The following AGT variants were observed in gnomAD, a reference collection of about 807,000 sequenced individuals.
AGT encodes the protein alpha-1 antiproteinase, antitrypsin.
In AGT, 26 loss-of-function variants were observed where a neutral mutation model predicts 28.1. That is an observed-to-expected ratio of 0.92 (90% CI 0.68 to 1.28). AGT has a LOEUF of 1.28. Among genes scored for constraint, AGT ranks in the 50% most tolerant of loss-of-function variants. The pLI, the probability that AGT is intolerant of heterozygous loss-of-function variation, is 0.00. For synonymous variants in AGT, 259 were observed against 259.6 expected, an observed-to-expected ratio of 1.00 and a Z score of 0.02; for missense variants, 596 against 592.3, an observed-to-expected ratio of 1.01 and a Z score of -0.06.
At position 230,710,297 on chromosome 1, in the gene AGT, T is replaced by C; in HGVS notation, c.527A>G (p.Gln176Arg). Residue 176 changes from glutamine to arginine, a missense_variant, in exon 2 of 5, where the codon CAG becomes CGG. Physicochemically the swap from Gln to Arg is conservative, Grantham distance 43. Transcript: ENST00000366667. ...GGCCACTAGCAGGCCCTGTACAGCC[T>C]GCAGGGCAGACAGGACCTTGTGCGC... ...LDAHKVLSAL[Q>R]AVQGLLVAQG... 2 of 1,613,972 alleles carry C rather than the reference T, an allele frequency of 1.2e-6. No homozygotes were observed. Among genetic ancestry groups the C allele is most frequent in the Non-Finnish European group, 1.7e-6 (2 of 1,180,016 alleles).
chr1:230,711,736 G>C (rs892273573), intron 1 of AGT, among the ~76,000 whole-genome samples: 1 of 151,490 alleles, frequency 6.6e-6, no homozygotes, highest in Non-Finnish European at 1.5e-5. Flanking sequence ...GCTATCCCCT[G>C]CAGAGCCCCA....
At chr1:230,710,958 C>T in intron 1 of AGT, 105 bp from the exon 2 acceptor site, 1 of 1,410,462 alleles carries the variant, frequency 7.1e-7, no homozygotes, top group Non-Finnish European at 9.8e-7. Context: ...ACCATTTAGC[C>T]CAGAATAAAT....
At chr1:230,745,169 T>C (rs1467911466) in intron 1 of AGT, among the ~76,000 whole-genome samples, 1 of 152,176 alleles carries the variant, frequency 6.6e-6, no homozygotes, top group African/African-American at 2.4e-5. Context: ...AGAGATGCCT[T>C]GCAAGTTGAG....
In AGT at chr1:230,702,874, C is replaced by T; in HGVS notation, c.*267G>A. The T allele has an allele frequency of 3.9e-6, 2 of 507,190 alleles. No individual in the cohort carries two copies. The highest frequency in any genetic ancestry group is 6.5e-5 in the Admixed American group (2 of 30,980). 31.4% of individuals were successfully genotyped at this position (507,190 alleles called of 1,614,324 possible). On this transcript the variant is annotated 3_prime_UTR_variant, in exon 5 of 5. Coordinates refer to ENST00000366667, the MANE Select transcript of AGT (RefSeq NM_001384479.1). Reference sequence around the variant, plus strand: ...TCCCGCGCTAAACACTGGTTCTTGCCTCCCCACCCCCATTCTCTAAAATAA... The same window carrying T: ...TCCCGCGCTAAACACTGGTTCTTGCTTCCCCACCCCCATTCTCTAAAATAA...
At chr1:230,709,896 G>T in intron 2 of AGT, 99 bp downstream of exon 2, 1 of 1,563,218 alleles carries the variant, frequency 6.4e-7, no homozygotes, top group Non-Finnish European at 8.8e-7. Context: ...ATGTCCGCAG[G>T]GCTGCCCCCT....
At chr1:230,729,389 T>C (rs938191018) in intron 1 of AGT, among the ~76,000 whole-genome samples, 2 of 152,240 alleles carry the variant, frequency 1.3e-5, no homozygotes, top group African/African-American at 4.8e-5. Flanking sequence ...CCTCCCTCTC[T>C]TATTCTCAGA....
At chr1:230,726,730 T>G (rs192431900) in intron 1 of AGT, among the ~76,000 whole-genome samples, 1 of 152,310 alleles carries the variant, frequency 6.6e-6, no homozygotes, top group Non-Finnish European at 1.5e-5. Context: ...GAGAAGAGTC[T>G]TAATTCAAAC....
rs529772491 is a variant in AGT at position 230,714,107 on chromosome 1, C to G, written c.-52G>C. 1 of 152,394 alleles carries G rather than the reference C, an allele frequency of 6.6e-6. No homozygotes were observed. Among genetic ancestry groups the G allele is most frequent in the South Asian group, 2.1e-4 (1 of 4,814 alleles). The allele number at this position is 152,394 out of a possible 1,614,324, so 9.4% of individuals were successfully genotyped here. On this transcript the variant is annotated 5_prime_UTR_variant, in exon 1 of 5. Coordinates refer to ENST00000366667, the MANE Select transcript of AGT (RefSeq NM_001384479.1). Reference sequence around the variant, plus strand: ...TTACCTTCTGCTGTAGTACCCAGAACAACGGCAGCTTCTTCCCCCGGCCGG... The same window carrying G: ...TTACCTTCTGCTGTAGTACCCAGAAGAACGGCAGCTTCTTCCCCCGGCCGG...
chr1:230,719,476 C>G (rs1178110229), upstream of AGT, among the ~76,000 whole-genome samples: 1 of 147,318 alleles, frequency 6.8e-6, no homozygotes, highest in African/African-American at 2.5e-5. Flanking sequence ...GGCGGGATCT[C>G]GGCTCACTGC....
chr1:230,719,279 G>C (rs2102797029), upstream of AGT, among the ~76,000 whole-genome samples: 1 of 152,216 alleles, frequency 6.6e-6, no homozygotes, highest in Non-Finnish European at 1.5e-5. Context: ...GTGCCCTATG[G>C]ACTGCTGTTG....
intron 1 of AGT, among the ~76,000 whole-genome samples, chr1:230,741,320 C>A (rs867890662): frequency 5.9e-5 from 9 of 152,224 alleles, no homozygotes; most frequent in Non-Finnish European, 1.0e-4. Context: ...AAGGCCAGAG[C>A]TGAGAGAAGC....
At chr1:230,736,922 G>T (rs1038454927) in intron 1 of AGT, among the ~76,000 whole-genome samples, 42 of 152,120 alleles carry the variant, frequency 2.8e-4, no homozygotes, top group African/African-American at 9.7e-4. Flanking sequence ...TCTGTGAATC[G>T]GAAGCTCTGT....
intron 1 of AGT, among the ~76,000 whole-genome samples, chr1:230,731,644 T>G (rs79332238): frequency 2.0e-5 from 3 of 152,268 alleles, no homozygotes; most frequent in African/African-American, 7.2e-5. Flanking sequence ...GGTGGGTGGA[T>G]CACTTGAGGT....
At chr1:230,720,873 C>A (rs1472265297) in intron 1 of AGT, among the ~76,000 whole-genome samples, 2 of 152,216 alleles carry the variant, frequency 1.3e-5, no homozygotes, top group African/African-American at 4.8e-5. Context: ...AAAGCTGTTT[C>A]ATTGGTCAAA....
intron 1 of AGT, among the ~76,000 whole-genome samples, chr1:230,721,123 C>A (rs1463467950): frequency 1.3e-5 from 2 of 152,244 alleles, no homozygotes; most frequent in Admixed American, 6.5e-5. Context: ...TCCTCTGTAA[C>A]CATTAGTGGT....
At chr1:230,708,675 C>T (rs1169805075) in intron 2 of AGT, among the ~76,000 whole-genome samples, 1 of 152,174 alleles carries the variant, frequency 6.6e-6, no homozygotes, top group Non-Finnish European at 1.5e-5. Flanking sequence ...ACAGAGCCTC[C>T]TCAGTGTCTC....
chr1:230,733,978 A>C (rs573916151), intron 1 of AGT, among the ~76,000 whole-genome samples: 4 of 152,164 alleles, frequency 2.6e-5, no homozygotes, highest in African/African-American at 7.2e-5. Context: ...CAGAAGCCCA[A>C]CTCAAGCTTC....
At chr1:230,718,454 C>T (rs1293116664), upstream of AGT, among the ~76,000 whole-genome samples, 1 of 151,930 alleles carries the variant, frequency 6.6e-6, no homozygotes, top group Non-Finnish European at 1.5e-5. Flanking sequence ...AAGTATAGTC[C>T]TCATGTTGTA....
intron 1 of AGT, among the ~76,000 whole-genome samples, chr1:230,732,810 C>T (rs1202857274): frequency 1.3e-5 from 2 of 152,150 alleles, no homozygotes. Flanking sequence ...ATTGGTCTTG[C>T]TGTCTCAAGG....
Sources: gnomAD v4.1 joint callset for allele counts (sites outside exome capture counted in the v4.1 genomes callset) on GRCh38, gnomAD v4.1.1 for gene constraint, MANE v1.5 for transcripts, NCBI Gene and HGNC (gene_info 2026-07-23, HGNC 2026-07-21) for gene names.